Variants in ELAPOR1 observed in about 807,000 individuals in gnomAD.
The protein encoded by ELAPOR1 is endosome-lysosome associated apoptosis and autophagy regulator 1.
A neutral mutation model predicts 119.7 loss-of-function variants in ELAPOR1; 77 were observed. The ratio of observed to expected loss-of-function variants is 0.64; its 90% CI spans 0.54 to 0.78. The LOEUF (loss-of-function observed/expected upper bound fraction) is 0.78, where lower values mean the gene tolerates loss of function less well. Ranked by LOEUF, ELAPOR1 falls within the 30% of genes least tolerant of loss-of-function variation. ELAPOR1 has a pLI of 0.00. For synonymous variants in ELAPOR1, 481 were observed against 487.2 expected, an observed-to-expected ratio of 0.99 and a Z score of 0.17; for missense variants, 1,115 against 1,270.4, an observed-to-expected ratio of 0.88 and a Z score of 1.86.
chr1:109,163,881 A>G (rs964870783), intron 2 of ELAPOR1, among the ~76,000 whole-genome samples: 5 of 152,168 alleles, frequency 3.3e-5, no homozygotes, highest in African/African-American at 1.2e-4. Flanking sequence ...CTGAAGGGCC[A>G]TGTGTCATTC....
At chr1:109,193,441 CCG>C (rs567396681) in intron 14 of ELAPOR1, among the ~76,000 whole-genome samples, 50 of 152,138 alleles carry the variant, frequency 3.3e-4, no homozygotes, top group African/African-American at 1.1e-3. Context: ...CACTTGAGCC[CCG>C]GGGTTCAAGG....
At chr1:109,195,827 C>T (rs188809812) in intron 15 of ELAPOR1, among the ~76,000 whole-genome samples, 2 of 152,170 alleles carry the variant, frequency 1.3e-5, no homozygotes, top group Admixed American at 6.5e-5. Context: ...TAAATTGCAA[C>T]AAGCCACAAT....
chr1:109,144,242 G>A (rs539534509), intron 1 of ELAPOR1, among the ~76,000 whole-genome samples: 2 of 149,954 alleles, frequency 1.3e-5, no homozygotes, highest in African/African-American at 4.9e-5. Flanking sequence ...TGTAGAGACG[G>A]GGCTTCTCCA....
intron 1 of ELAPOR1, among the ~76,000 whole-genome samples, chr1:109,160,249 G>T (rs1422967470): frequency 2.0e-5 from 3 of 151,466 alleles, no homozygotes; most frequent in South Asian, 2.1e-4. Context: ...CAAGATTACA[G>T]TGAGCCATCA....
chr1:109,185,635 A>AT (rs893114857), intron 8 of ELAPOR1, among the ~76,000 whole-genome samples: 1 of 152,156 alleles, frequency 6.6e-6, no homozygotes, highest in African/African-American at 2.4e-5. Flanking sequence ...GTCAACAAGC[A>AT]TTTTTTGAGG....
At chr1:109,147,408 A>G (rs1027813760) in intron 1 of ELAPOR1, among the ~76,000 whole-genome samples, 3 of 152,208 alleles carry the variant, frequency 2.0e-5, no homozygotes, top group Non-Finnish European at 4.4e-5. Context: ...CTTTGGAGAC[A>G]GCAGAAGGAT....
intron 1 of ELAPOR1, among the ~76,000 whole-genome samples, chr1:109,116,551 A>G (rs913672057): frequency 3.9e-5 from 6 of 152,168 alleles, no homozygotes; most frequent in Non-Finnish European, 8.8e-5. Context: ...CAACTCCAAA[A>G]CAATCAGGGA....
intron 1 of ELAPOR1, among the ~76,000 whole-genome samples, chr1:109,142,956 T>G: frequency 7.3e-6 from 1 of 137,840 alleles, no homozygotes; most frequent in African/African-American, 2.5e-5. Context: ...ATACAATGGA[T>G]TTTTTTTTTT....
chr1:109,191,711 C>G lies in ELAPOR1; in HGVS notation c.1546-15C>G. The G allele has an allele frequency of 1.9e-6, 3 of 1,613,876 alleles. No homozygotes were observed. On this transcript the variant is annotated splice_polypyrimidine_tract_variant and intron_variant, in intron 12 of 21. Coordinates refer to ENST00000369939, the MANE Select transcript of ELAPOR1 (RefSeq NM_020775.5). Reference sequence around the variant, plus strand: ...TGGCCATCGCACCCGCTTCACTTGTCTGTCCTGGGTTCAGGGTGTGAATTC... The same window carrying G: ...TGGCCATCGCACCCGCTTCACTTGTGTGTCCTGGGTTCAGGGTGTGAATTC...
At chr1:109,202,408 C>A (rs1483448136) in intron 21 of ELAPOR1, among the ~76,000 whole-genome samples, 2 of 150,674 alleles carry the variant, frequency 1.3e-5, no homozygotes, top group Non-Finnish European at 2.9e-5. Flanking sequence ...GTGTGAGCCA[C>A]TGTGCCTGGC....
At chr1:109,187,322 T>C in intron 8 of ELAPOR1, 4 of 985,432 alleles carry the variant, frequency 4.1e-6, no homozygotes, top group Non-Finnish European at 4.8e-6. Context: ...GTCGCAGCCC[T>C]CCGCAGGGAA....
At chr1:109,154,953 T>C (rs1650777039) in intron 1 of ELAPOR1, among the ~76,000 whole-genome samples, 1 of 151,926 alleles carries the variant, frequency 6.6e-6, no homozygotes, top group Non-Finnish European at 1.5e-5. Flanking sequence ...TCCGGAGAAA[T>C]GGGGGCAAGC....
At chr1:109,181,277 G>C (rs1351747822) in intron 7 of ELAPOR1, among the ~76,000 whole-genome samples, 1 of 152,096 alleles carries the variant, frequency 6.6e-6, no homozygotes. Flanking sequence ...GAAAGGAGGA[G>C]GCAGGTGCAG....
chr1:109,117,755 G>A (rs537034515), intron 1 of ELAPOR1, among the ~76,000 whole-genome samples: 4 of 152,254 alleles, frequency 2.6e-5, no homozygotes, highest in South Asian at 2.1e-4. Context: ...AGATAATGAC[G>A]TATAAATGAC....
At chr1:109,130,217 C>A (rs1485148707) in intron 1 of ELAPOR1, among the ~76,000 whole-genome samples, 1 of 152,198 alleles carries the variant, frequency 6.6e-6, no homozygotes, top group African/African-American at 2.4e-5. Context: ...ACATTCTGAG[C>A]TCCAGGGTGG....
At chr1:109,134,770 C>G (rs1649365472) in intron 1 of ELAPOR1, among the ~76,000 whole-genome samples, 1 of 152,160 alleles carries the variant, frequency 6.6e-6, no homozygotes, top group African/African-American at 2.4e-5. Context: ...CTAGAGAGGA[C>G]AGCTAGTTCT....
rs1654401874 is a variant in ELAPOR1 at position 109,204,946 on chromosome 1, C to G, written c.*1934C>G. On this transcript the variant is annotated 3_prime_UTR_variant, in exon 22 of 22. Transcript: ENST00000369939. ...AGCTGGGATACTTCTCACTATTAAGCCCCTATCTTTCTCTTTTTTTCATTC... is the reference window on the plus strand; with the variant it reads ...AGCTGGGATACTTCTCACTATTAAGGCCCTATCTTTCTCTTTTTTTCATTC... 1 of 152,162 alleles carries G rather than the reference C, an allele frequency of 6.6e-6. No individual in the cohort carries two copies. The allele number at this position is 152,162 out of a possible 1,614,324, so 9.4% of individuals were successfully genotyped here.
chr1:109,173,867 G>A, intron 7 of ELAPOR1, 30 bp downstream of exon 7: 1 of 1,610,562 alleles, frequency 6.2e-7, no homozygotes, highest in Non-Finnish European at 8.5e-7. Context: ...GAAGAGTTTG[G>A]GGATAGAGAG....
chr1:109,134,766 A>C (rs1383843768), intron 1 of ELAPOR1, among the ~76,000 whole-genome samples: 1 of 152,162 alleles, frequency 6.6e-6, no homozygotes, highest in East Asian at 1.9e-4. Context: ...TATCCTAGAG[A>C]GGACAGCTAG....
Sources: gnomAD v4.1 joint callset for allele counts (sites outside exome capture counted in the v4.1 genomes callset) on GRCh38, gnomAD v4.1.1 for gene constraint, MANE v1.5 for transcripts, NCBI Gene and HGNC (gene_info 2026-07-23, HGNC 2026-07-21) for gene names.